PRIM1: variants seen among roughly 807,000 people sequenced by gnomAD.
PRIM1 encodes the protein DNA primase small subunit.
PRIM1 carries 38 observed loss-of-function variants against 60.2 expected under a neutral mutation model. The ratio of observed to expected loss-of-function variants is 0.63; its 90% CI spans 0.49 to 0.83. The LOEUF (loss-of-function observed/expected upper bound fraction) is 0.83, where lower values mean the gene tolerates loss of function less well. Among genes scored for constraint, PRIM1 ranks in the 40% least tolerant of loss-of-function variants. The pLI is 0.00. For synonymous variants in PRIM1, 158 were observed against 160.2 expected (o/e 0.99, Z 0.10); for missense variants, 388 against 506.2 (o/e 0.77, Z 2.24).
chr12:56,744,782 T>A (rs964303008), intron 5 of PRIM1, among the ~76,000 whole-genome samples: 1 of 152,120 alleles, frequency 6.6e-6, no homozygotes, highest in African/African-American at 2.4e-5. Context: ...TGTTAAGTGA[T>A]GCATAATTAT....
chr12:56,737,914 G>A (rs1953845071), intron 11 of PRIM1, among the ~76,000 whole-genome samples: 1 of 151,348 alleles, frequency 6.6e-6, no homozygotes, highest in South Asian at 2.1e-4. Flanking sequence ...TAGCAGAGTT[G>A]GGGTTTCACC....
intron 11 of PRIM1, 142 bp downstream of exon 11, chr12:56,738,292 G>T: frequency 8.3e-7 from 1 of 1,200,890 alleles, no homozygotes; most frequent in South Asian, 1.7e-5. Context: ...TGCTGTTGAA[G>T]AAAGGACACA....
intron 12 of PRIM1, among the ~76,000 whole-genome samples, chr12:56,732,231 CTT>C: frequency 6.6e-6 from 1 of 152,246 alleles, no homozygotes; most frequent in East Asian, 1.9e-4. Flanking sequence ...CTGCTATCCT[CTT>C]TGTGTTTCTT....
At chr12:56,735,942 C>T (rs150655584) in intron 11 of PRIM1, among the ~76,000 whole-genome samples, 8 of 152,110 alleles carry the variant, frequency 5.3e-5, no homozygotes, top group African/African-American at 1.9e-4. Context: ...TCAGCCACTA[C>T]GCCTGGCCTG....
chr12:56,748,830 G>A (rs1371011977), intron 2 of PRIM1, among the ~76,000 whole-genome samples: 5 of 151,560 alleles, frequency 3.3e-5, no homozygotes, highest in East Asian at 1.9e-4. Context: ...GGTGGTATGC[G>A]CCTATAATCC....
intron 2 of PRIM1, among the ~76,000 whole-genome samples, chr12:56,749,123 C>T (rs1450695854): frequency 6.6e-6 from 1 of 152,160 alleles, no homozygotes; most frequent in Non-Finnish European, 1.5e-5. Flanking sequence ...ATTCTCCTGC[C>T]TCAGCCTCCT....
chr12:56,741,612 AG>A, intron 8 of PRIM1, 36 bp from the exon 9 acceptor site: 3 of 1,597,534 alleles, frequency 1.9e-6, no homozygotes, highest in Non-Finnish European at 2.6e-6. Context: ...GAGGATCAGT[AG>A]GAACTGTTGA....
intron 2 of PRIM1, among the ~76,000 whole-genome samples, chr12:56,747,932 GGAAT>G (rs1172323263): frequency 6.6e-6 from 1 of 152,010 alleles, no homozygotes; most frequent in Non-Finnish European, 1.5e-5. Context: ...AGGTATTGTT[GGAAT>G]GAGTAAGTGC....
intron 2 of PRIM1, among the ~76,000 whole-genome samples, chr12:56,747,715 A>G (rs1953918185): frequency 6.6e-6 from 1 of 152,190 alleles, no homozygotes; most frequent in African/African-American, 2.4e-5. Flanking sequence ...ACTGCACTCC[A>G]GCCTGGGTGA....
Position 56,738,492 on chromosome 12 carries a change from A to C in PRIM1, c.1086T>G (p.Thr362=), listed in dbSNP as rs879171059. The change falls in exon 11 of 13, where the codon ACT becomes ACG. Residue 362 remains threonine (T), a synonymous_variant. Coordinates refer to ENST00000338193, the MANE Select transcript of PRIM1 (RefSeq NM_000946.3). ...CATTCTCCTCTTTTTCCTCTTCATT[A>C]GTGGAAATGGCATCCAATTCACGGC... ...FICRELDAIS[T]NEEEKEENEA... is the part of the protein sequence containing the mutation. The C allele has an allele frequency of 6.3e-7, 1 of 1,586,496 alleles. No individual in the cohort carries two copies.
intron 10 of PRIM1, 98 bp downstream of exon 10, chr12:56,739,195 CA>C (rs1164653961): frequency 3.4e-6 from 3 of 887,648 alleles, no homozygotes; most frequent in Non-Finnish European, 4.8e-6. Context: ...CCAAATATAC[CA>C]TTCCCATGCA....
chr12:56,742,619 G>C (rs953995587), intron 7 of PRIM1, among the ~76,000 whole-genome samples: 6 of 152,078 alleles, frequency 3.9e-5, no homozygotes, highest in South Asian at 4.1e-4. Flanking sequence ...ACCAACACCA[G>C]TTGTATCATT....
Position 56,746,994 on chromosome 12 carries a change from C to G in PRIM1, c.300G>C (p.Gln100His), listed in dbSNP as rs779445596. 1.9e-6 allele frequency: 3 copies of G among 1,613,730 alleles called. No individual in the cohort carries two copies. Among genetic ancestry groups the G allele is most frequent in the Non-Finnish European group, 2.5e-6 (3 of 1,179,764 alleles). ...CAAATACCAGTTCTTTTTCCTGAGC[C>G]TGGAAAGCTCCCAGCTTCACTGTAT... ...QHNTVKLGAF[Q>H]AQEKELVFDI... The change falls in exon 3 of 13, where the codon CAG becomes CAC. Residue 100 changes from glutamine to histidine, a missense_variant. Coordinates refer to ENST00000338193, the MANE Select transcript of PRIM1 (RefSeq NM_000946.3).
intron 11 of PRIM1, among the ~76,000 whole-genome samples, chr12:56,735,136 C>T (rs932509538): frequency 6.6e-6 from 1 of 150,688 alleles, no homozygotes; most frequent in East Asian, 1.9e-4. Flanking sequence ...GAGTCTTGCT[C>T]TGTTGCCAGG....
intron 11 of PRIM1, among the ~76,000 whole-genome samples, chr12:56,734,492 T>A (rs1008881282): frequency 5.9e-5 from 9 of 151,892 alleles, no homozygotes; most frequent in African/African-American, 1.9e-4. Flanking sequence ...CTCGATCTAC[T>A]GGGCTCAAGG....
chr12:56,736,331 T>C (rs1318074284), intron 11 of PRIM1, among the ~76,000 whole-genome samples: 1 of 65,048 alleles, frequency 1.5e-5, no homozygotes, highest in Non-Finnish European at 2.9e-5. Flanking sequence ...AAAAAAAGAA[T>C]ATACAATTTT....
intron 12 of PRIM1, 55 bp from the exon 13 acceptor site, chr12:56,731,789 C>A (rs1038056843): frequency 7.3e-7 from 1 of 1,374,826 alleles, no homozygotes; most frequent in South Asian, 1.4e-5. Context: ...AAACAAAGCC[C>A]ATTTACTTTT....
intron 11 of PRIM1, among the ~76,000 whole-genome samples, chr12:56,735,051 T>A (rs897929624): frequency 4.6e-5 from 7 of 151,902 alleles, no homozygotes; most frequent in Non-Finnish European, 1.0e-4. Flanking sequence ...GACCTCATGA[T>A]TCACCCACTT....
At chr12:56,748,399 G>A (rs911609464) in intron 2 of PRIM1, among the ~76,000 whole-genome samples, 2 of 151,994 alleles carry the variant, frequency 1.3e-5, no homozygotes, top group Admixed American at 1.3e-4. Context: ...AGGCTGAGGC[G>A]GGCAGATCAC....
Sources: gnomAD v4.1 joint callset for allele counts (sites outside exome capture counted in the v4.1 genomes callset) on GRCh38, gnomAD v4.1.1 for gene constraint, MANE v1.5 for transcripts, NCBI Gene and HGNC (gene_info 2026-07-23, HGNC 2026-07-21) for gene names.